The following EYA4 variants were observed in gnomAD, a reference collection of about 807,000 sequenced individuals.
The protein encoded by EYA4 is protein phosphatase EYA4.
A neutral mutation model predicts 87.9 loss-of-function variants in EYA4; 31 were observed. That is an observed-to-expected ratio of 0.35 (90% CI 0.27 to 0.48). The LOEUF (loss-of-function observed/expected upper bound fraction) is 0.48, where lower values mean the gene tolerates loss of function less well. Ranked by LOEUF, EYA4 falls within the 20% of genes least tolerant of loss-of-function variation. The probability of loss-of-function intolerance (pLI) is 0.99; values close to 1 mark genes in which losing one functional copy is unlikely to be tolerated. For missense variants in EYA4, 678 were observed against 761.4 expected (o/e 0.89, Z 1.29); for synonymous variants, 263 against 270.6 (o/e 0.97, Z 0.28).
chr6:133,243,888 A>C (rs1037453688), intron 1 of EYA4, among the ~76,000 whole-genome samples: 3 of 152,188 alleles, frequency 2.0e-5, no homozygotes, highest in African/African-American at 7.2e-5. Flanking sequence ...AGACTGCCAG[A>C]ATCTGATTTT....
chr6:133,376,044 T>G (rs1785651927), intron 2 of EYA4, among the ~76,000 whole-genome samples: 1 of 151,862 alleles, frequency 6.6e-6, no homozygotes, highest in Admixed American at 6.6e-5. Context: ...CATCTTAGAG[T>G]ATTCACATTA....
At chr6:133,380,824 A>C (rs1307040846) in intron 2 of EYA4, among the ~76,000 whole-genome samples, 2 of 145,472 alleles carry the variant, frequency 1.4e-5, no homozygotes, top group South Asian at 2.2e-4. Flanking sequence ...TTCTCCTCCT[A>C]CGCCTTATTC....
chr6:133,495,450 A>G (rs1302460383), intron 13 of EYA4, among the ~76,000 whole-genome samples: 10 of 148,374 alleles, frequency 6.7e-5, no homozygotes, highest in Admixed American at 4.1e-4. Flanking sequence ...ATAAAGAAAT[A>G]TATTCATTTA....
chr6:133,428,911 C>CTTCTTTTT (rs1790919538), intron 3 of EYA4, among the ~76,000 whole-genome samples: 2 of 48,230 alleles, frequency 4.1e-5, no homozygotes, highest in Non-Finnish European at 7.2e-5. Flanking sequence ...GATTTAGCTT[C>CTTCTTTTT]TTTTTTTTTT....
At chr6:133,374,008 T>G (rs776634101) in intron 2 of EYA4, among the ~76,000 whole-genome samples, 1 of 152,078 alleles carries the variant, frequency 6.6e-6, no homozygotes, top group Non-Finnish European at 1.5e-5. Context: ...AGAAGGAGTT[T>G]GAAATTTTCC....
At chr6:133,372,460 A>G (rs990964461) in intron 2 of EYA4, among the ~76,000 whole-genome samples, 1 of 51,846 alleles carries the variant, frequency 1.9e-5, no homozygotes, top group Non-Finnish European at 5.0e-5. Context: ...CAATGGTTAT[A>G]GAAGAGAGAT....
At chr6:133,294,718 C>T (rs1250474511) in intron 2 of EYA4, among the ~76,000 whole-genome samples, 1 of 152,044 alleles carries the variant, frequency 6.6e-6, no homozygotes, top group African/African-American at 2.4e-5. Context: ...CAGGCATGAA[C>T]CACCATGCGT....
intron 3 of EYA4, among the ~76,000 whole-genome samples, chr6:133,404,196 C>G (rs983268408): frequency 1.1e-4 from 16 of 152,172 alleles, no homozygotes; most frequent in African/African-American, 3.9e-4. Context: ...TTATTTTTCT[C>G]AGTTCAGTGA....
chr6:133,531,082 G>A lies in EYA4; in HGVS notation c.*2277G>A. 7.1e-7 allele frequency: 1 copy of A among 1,412,990 alleles called. No homozygotes were observed. The highest frequency in any genetic ancestry group is 9.2e-7 in the Non-Finnish European group (1 of 1,085,936). 87.5% of individuals were successfully genotyped at this position (1,412,990 alleles called of 1,614,324 possible). A position where few individuals can be genotyped will look rare whatever the true frequency, so the allele number is the denominator to read the frequency against. The stretch of plus-strand genomic sequence containing the variant: ...AGTCTTTTCATATCAAACAAGCAAG[G>A]CTTTTTATGCTGCTAAGTCTGTGGG... On this transcript the variant is annotated 3_prime_UTR_variant, in exon 20 of 20. Coordinates refer to ENST00000355286, the MANE Select transcript of EYA4 (RefSeq NM_004100.5).
At chr6:133,250,157 A>G (rs772150949) in intron 1 of EYA4, among the ~76,000 whole-genome samples, 4 of 152,168 alleles carry the variant, frequency 2.6e-5, no homozygotes, top group Non-Finnish European at 4.4e-5. Context: ...ACCCAGTAGA[A>G]TTGCAGCTGT....
At chr6:133,446,775 A>G in intron 4 of EYA4, 21 bp downstream of exon 4, 4 of 1,610,912 alleles carry the variant, frequency 2.5e-6, no homozygotes, top group Non-Finnish European at 3.4e-6. Context: ...TACCCTGAAG[A>G]TACCCAGAAT....
At chr6:133,420,670 C>T (rs1790143187) in intron 3 of EYA4, among the ~76,000 whole-genome samples, 1 of 152,206 alleles carries the variant, frequency 6.6e-6, no homozygotes, top group African/African-American at 2.4e-5. Context: ...ATGACCTTGA[C>T]CAACTTTAAC....
chr6:133,454,540 C>T (rs1260033377), intron 5 of EYA4, among the ~76,000 whole-genome samples: 1 of 152,056 alleles, frequency 6.6e-6, no homozygotes. Flanking sequence ...CCTTTTTGTG[C>T]CTCAGTTTCC....
intron 13 of EYA4, among the ~76,000 whole-genome samples, chr6:133,493,372 C>T (rs746373521): frequency 3.7e-4 from 56 of 152,192 alleles, no homozygotes; most frequent in Non-Finnish European, 6.0e-4. Context: ...ATAAATGATG[C>T]TGGGATAATG....
chr6:133,443,008 G>C (rs1241114290), intron 3 of EYA4, among the ~76,000 whole-genome samples: 1 of 151,634 alleles, frequency 6.6e-6, no homozygotes, highest in Admixed American at 6.6e-5. Flanking sequence ...TCTATTGCTG[G>C]GTTTGATTTG....
chr6:133,384,985 G>T (rs1022075799), intron 3 of EYA4, among the ~76,000 whole-genome samples: 1 of 151,882 alleles, frequency 6.6e-6, no homozygotes, highest in African/African-American at 2.4e-5. Flanking sequence ...TACATATATG[G>T]GTACATTCTT....
chr6:133,479,933 C>CATT (rs1363059480), intron 11 of EYA4, among the ~76,000 whole-genome samples: 3 of 152,172 alleles, frequency 2.0e-5, no homozygotes, highest in African/African-American at 4.8e-5. Context: ...AAGCTTTAAT[C>CATT]ATTTCAGAGT....
chr6:133,497,048 T>C (rs1797702841), intron 13 of EYA4, among the ~76,000 whole-genome samples: 1 of 152,202 alleles, frequency 6.6e-6, no homozygotes, highest in East Asian at 1.9e-4. Context: ...AGTATCATTT[T>C]TTTACTGGTT....
intron 3 of EYA4, among the ~76,000 whole-genome samples, chr6:133,405,467 T>A (rs1788623115): frequency 1.3e-5 from 2 of 152,228 alleles, no homozygotes; most frequent in Non-Finnish European, 2.9e-5. Flanking sequence ...ATTGTCGTGA[T>A]GATGTGACTG....
Sources: allele counts gnomAD v4.1 joint callset (sites outside exome capture counted in the v4.1 genomes callset), GRCh38; gene constraint gnomAD v4.1.1; transcripts MANE v1.5; gene names NCBI Gene and HGNC (gene_info 2026-07-23, HGNC 2026-07-21).